FSTL5: variants seen among roughly 807,000 people sequenced by gnomAD.
The protein encoded by FSTL5 is follistatin like 5, also known as follistatin-related protein 5.
FSTL5 carries 62 observed loss-of-function variants against 89.1 expected under a neutral mutation model. The observed-to-expected ratio is 0.70, with a 90% CI of 0.57 to 0.86. The LOEUF (loss-of-function observed/expected upper bound fraction) is 0.86. Among genes scored for constraint, FSTL5 ranks in the 40% least tolerant of loss-of-function variants. The pLI is 0.00. For missense variants in FSTL5, 1,057 were observed against 1,001.6 expected, an observed-to-expected ratio of 1.06 and a Z score of -0.75; for synonymous variants, 383 against 346.2, an observed-to-expected ratio of 1.11 and a Z score of -1.18.
intron 4 of FSTL5, among the ~76,000 whole-genome samples, chr4:161,879,550 C>T (rs1222514500): frequency 1.3e-5 from 2 of 152,232 alleles, no homozygotes; most frequent in East Asian, 3.8e-4. Flanking sequence ...TCTGTCAGTT[C>T]TGGAACATCA....
chr4:161,946,460 G>C (rs1211491493), intron 3 of FSTL5, among the ~76,000 whole-genome samples: 1 of 152,006 alleles, frequency 6.6e-6, no homozygotes, highest in Non-Finnish European at 1.5e-5. Flanking sequence ...TTGCCTTTGG[G>C]GAAGGATGCC....
chr4:161,915,586 G>C (rs1022817882), intron 4 of FSTL5, among the ~76,000 whole-genome samples: 2 of 151,982 alleles, frequency 1.3e-5, no homozygotes, highest in African/African-American at 4.8e-5. Flanking sequence ...TGTTAACATA[G>C]ATGTACCAAA....
intron 6 of FSTL5, among the ~76,000 whole-genome samples, chr4:161,669,110 T>TAAAA (rs1579007899): frequency 2.6e-5 from 1 of 38,086 alleles, no homozygotes; most frequent in Non-Finnish European, 6.6e-5. Flanking sequence ...AGACTCTGTC[T>TAAAA]CAAAAAAAAA....
chr4:161,776,941 T>C (rs1301639521), intron 4 of FSTL5, among the ~76,000 whole-genome samples: 2 of 151,878 alleles, frequency 1.3e-5, no homozygotes, highest in Non-Finnish European at 2.9e-5. Flanking sequence ...AGTTCCCCTG[T>C]TTTCTTACCA....
At chr4:161,714,336 C>T (rs1198751797) in intron 6 of FSTL5, among the ~76,000 whole-genome samples, 1 of 152,182 alleles carries the variant, frequency 6.6e-6, no homozygotes, top group Non-Finnish European at 1.5e-5. Flanking sequence ...AGTATTGTAT[C>T]ATGAGTTTTG....
At chr4:161,785,207 T>C (rs527236588) in intron 4 of FSTL5, among the ~76,000 whole-genome samples, 5 of 152,154 alleles carry the variant, frequency 3.3e-5, no homozygotes, top group Non-Finnish European at 2.9e-5. Flanking sequence ...AAGTTTCACA[T>C]GAGGTACAGA....
chr4:161,876,253 A>G (rs1305164840), intron 4 of FSTL5, among the ~76,000 whole-genome samples: 1 of 152,190 alleles, frequency 6.6e-6, no homozygotes, highest in African/African-American at 2.4e-5. Context: ...TTATCACTCT[A>G]TTTTGAATAT....
At chr4:161,605,497 A>C (rs994321723) in intron 7 of FSTL5, among the ~76,000 whole-genome samples, 1 of 152,130 alleles carries the variant, frequency 6.6e-6, no homozygotes, top group Non-Finnish European at 1.5e-5. Flanking sequence ...TTTTTTTCCC[A>C]AAAACATCTT....
intron 6 of FSTL5, among the ~76,000 whole-genome samples, chr4:161,685,300 T>G (rs955678751): frequency 2.6e-5 from 4 of 152,312 alleles, no homozygotes; most frequent in African/African-American, 9.6e-5. Context: ...GGTGGTATTT[T>G]GATGTGAATT....
At chr4:161,474,707 G>A (rs1413713637) in intron 13 of FSTL5, among the ~76,000 whole-genome samples, 6 of 151,992 alleles carry the variant, frequency 3.9e-5, no homozygotes, top group African/African-American at 1.2e-4. Context: ...CACCACGCCT[G>A]GCTAATTTTT....
At chr4:162,040,530 T>C (rs1177771273) in intron 2 of FSTL5, among the ~76,000 whole-genome samples, 1 of 151,668 alleles carries the variant, frequency 6.6e-6, no homozygotes. Context: ...TAAAAATGCC[T>C]CAAAAATAGA....
At chr4:161,833,967 T>C (rs1421662166) in intron 4 of FSTL5, among the ~76,000 whole-genome samples, 2 of 152,176 alleles carry the variant, frequency 1.3e-5, no homozygotes, top group East Asian at 3.9e-4. Flanking sequence ...ATGCAGTTTC[T>C]TCCTAGCCTC....
At chr4:161,507,201 G>A (rs1730511719) in intron 11 of FSTL5, among the ~76,000 whole-genome samples, 1 of 151,822 alleles carries the variant, frequency 6.6e-6, no homozygotes, top group Non-Finnish European at 1.5e-5. Flanking sequence ...AATAATTTAA[G>A]TAAGTATAAT....
intron 6 of FSTL5, among the ~76,000 whole-genome samples, chr4:161,671,240 T>C (rs535358361): frequency 1.3e-5 from 2 of 152,334 alleles, no homozygotes; most frequent in African/African-American, 4.8e-5. Context: ...GAGTTAAGTA[T>C]ATTAGAACCT....
intron 15 of FSTL5, among the ~76,000 whole-genome samples, chr4:161,396,181 C>T (rs62325016): frequency 0.097 from 14,669 of 151,518 alleles, 750 homozygotes; most frequent in Non-Finnish European, 0.12. Context: ...CTGAGCTCAG[C>T]CATCAACCAA....
intron 8 of FSTL5, among the ~76,000 whole-genome samples, chr4:161,581,477 A>C (rs1733438017): frequency 6.6e-6 from 1 of 152,228 alleles, no homozygotes; most frequent in Admixed American, 6.5e-5. Context: ...ACGGTTTACC[A>C]CACCCAGTGC....
intron 2 of FSTL5, among the ~76,000 whole-genome samples, chr4:162,085,927 C>A (rs1730300633): frequency 6.6e-6 from 1 of 152,058 alleles, no homozygotes; most frequent in South Asian, 2.1e-4. Flanking sequence ...GTCACAGTTA[C>A]ATTACGTAGG....
intron 3 of FSTL5, among the ~76,000 whole-genome samples, chr4:161,935,869 T>C (rs1734418718): frequency 6.6e-6 from 1 of 152,158 alleles, no homozygotes; most frequent in Non-Finnish European, 1.5e-5. Context: ...TTGAAGACCT[T>C]CTCCTATTCA....
At chr4:162,127,858 C>T (rs374441853) in intron 1 of FSTL5, among the ~76,000 whole-genome samples, 2 of 152,098 alleles carry the variant, frequency 1.3e-5, no homozygotes. Context: ...TTGATGATAA[C>T]ATTGGAAGAT....
Sources: gnomAD v4.1 joint callset for allele counts (sites outside exome capture counted in the v4.1 genomes callset) on GRCh38, gnomAD v4.1.1 for gene constraint, MANE v1.5 for transcripts, NCBI Gene and HGNC (gene_info 2026-07-23, HGNC 2026-07-21) for gene names.